MTUS2: variants seen among roughly 807,000 people sequenced by gnomAD.
MTUS2 encodes microtubule-associated tumor suppressor candidate 2.
MTUS2 carries 40 observed loss-of-function variants against 114.1 expected under a neutral mutation model. The observed-to-expected ratio is 0.35, with a 90% CI of 0.27 to 0.46. The LOEUF (loss-of-function observed/expected upper bound fraction) is 0.46. Ranked by LOEUF, MTUS2 falls within the 20% of genes least tolerant of loss-of-function variation. The pLI, the probability that MTUS2 is intolerant of heterozygous loss-of-function variation, is 1.00. For synonymous variants in MTUS2, 688 were observed against 672.0 expected, an observed-to-expected ratio of 1.02 and a Z score of -0.37; for missense variants, 1,679 against 1,705.4, an observed-to-expected ratio of 0.98 and a Z score of 0.27.
intron 8 of MTUS2, among the ~76,000 whole-genome samples, chr13:29,404,031 T>C (rs117879488): frequency 0.014 from 2,144 of 152,170 alleles, 21 homozygotes; most frequent in South Asian, 0.021. Flanking sequence ...TATACTCTTA[T>C]TTACTACATC....
chr13:29,164,634 A>G (rs908033128), intron 5 of MTUS2, among the ~76,000 whole-genome samples: 1 of 152,232 alleles, frequency 6.6e-6, no homozygotes, highest in Non-Finnish European at 1.5e-5. Flanking sequence ...GCACTTTTGC[A>G]CTAGAGTGGG....
At chr13:29,445,675 G>C (rs1878223471) in intron 9 of MTUS2, among the ~76,000 whole-genome samples, 1 of 152,110 alleles carries the variant, frequency 6.6e-6, no homozygotes, top group African/African-American at 2.4e-5. Flanking sequence ...GGAAGGCCAA[G>C]GCAGGTAGAT....
intron 5 of MTUS2, among the ~76,000 whole-genome samples, chr13:29,247,834 A>G (rs939753604): frequency 6.6e-6 from 1 of 152,254 alleles, no homozygotes; most frequent in African/African-American, 2.4e-5. Flanking sequence ...TATGGAAAAC[A>G]GTGTGGAGAT....
intron 2 of MTUS2, among the ~76,000 whole-genome samples, chr13:28,911,110 C>T (rs1041028555): frequency 5.5e-4 from 83 of 150,466 alleles, no homozygotes; most frequent in African/African-American, 1.9e-3. Context: ...CTCCTGACCC[C>T]GTGATCTGCC....
chr13:29,416,935 T>G (rs1278580220), intron 8 of MTUS2, among the ~76,000 whole-genome samples: 1 of 152,198 alleles, frequency 6.6e-6, no homozygotes, highest in Non-Finnish European at 1.5e-5. Flanking sequence ...CAGTGGGCCC[T>G]TTCAATAGTA....
intron 8 of MTUS2, among the ~76,000 whole-genome samples, chr13:29,390,480 C>G (rs1247605858): frequency 6.6e-6 from 1 of 151,344 alleles, no homozygotes; most frequent in African/African-American, 2.4e-5. Context: ...ATGGTAAAAC[C>G]CTGTCTCTAC....
intron 7 of MTUS2, among the ~76,000 whole-genome samples, chr13:29,346,180 G>A (rs1169984117): frequency 6.6e-6 from 1 of 152,186 alleles, no homozygotes; most frequent in Admixed American, 6.5e-5. Flanking sequence ...CTGCAGTAGT[G>A]TAGGGAGGAT....
At chr13:29,270,550 C>T (rs1274011631) in intron 5 of MTUS2, among the ~76,000 whole-genome samples, 1 of 152,218 alleles carries the variant, frequency 6.6e-6, no homozygotes, top group Non-Finnish European at 1.5e-5. Flanking sequence ...ATGGGAACTC[C>T]CCCTCTTTGA....
At chr13:29,063,055 C>T (rs1293600210) in intron 4 of MTUS2, among the ~76,000 whole-genome samples, 1 of 152,140 alleles carries the variant, frequency 6.6e-6, no homozygotes, top group Non-Finnish European at 1.5e-5. Context: ...AGAACTATTA[C>T]CTCCCTTTAG....
intron 9 of MTUS2, among the ~76,000 whole-genome samples, chr13:29,452,578 G>A (rs879861054): frequency 0.1 from 541 of 5,320 alleles, 3 homozygotes; most frequent in Admixed American, 0.22. Flanking sequence ...ATATATATGT[G>A]TGTGTGTGTG....
At chr13:29,253,742 T>C (rs1897204768) in intron 5 of MTUS2, among the ~76,000 whole-genome samples, 3 of 152,192 alleles carry the variant, frequency 2.0e-5, no homozygotes, top group Admixed American at 6.5e-5. Flanking sequence ...TTTAATGGAC[T>C]CACAGTTCCA....
chr13:29,300,292 T>C (rs374284935), intron 6 of MTUS2, among the ~76,000 whole-genome samples: 2 of 152,292 alleles, frequency 1.3e-5, no homozygotes, highest in African/African-American at 4.8e-5. Context: ...TCTTCAAAAG[T>C]AGGACACTAA....
intron 15 of MTUS2, among the ~76,000 whole-genome samples, chr13:29,502,364 A>G (rs1882967944): frequency 6.6e-6 from 1 of 152,266 alleles, no homozygotes; most frequent in Admixed American, 6.5e-5. Context: ...TTTATCGGCA[A>G]ACATTAACTG....
intron 7 of MTUS2, among the ~76,000 whole-genome samples, chr13:29,344,153 C>T (rs558041210): frequency 6.6e-6 from 1 of 152,214 alleles, no homozygotes; most frequent in South Asian, 2.1e-4. Context: ...CTGTAAATAT[C>T]TGTTAAGTAC....
intron 4 of MTUS2, among the ~76,000 whole-genome samples, chr13:29,080,013 C>T (rs1381941654): frequency 6.6e-6 from 1 of 152,190 alleles, no homozygotes; most frequent in Non-Finnish European, 1.5e-5. Flanking sequence ...AATATTAAGA[C>T]TTCCAATCCA....
chr13:29,389,633 A>ACG (rs1200014101), intron 8 of MTUS2, among the ~76,000 whole-genome samples: 2 of 121,502 alleles, frequency 1.6e-5, no homozygotes, highest in Non-Finnish European at 1.8e-5. Flanking sequence ...ATATGTATAC[A>ACG]CATATGTGTA....
chr13:29,225,644 G>A (rs9508320), intron 5 of MTUS2, among the ~76,000 whole-genome samples: 2,123 of 152,362 alleles, frequency 0.014, 27 homozygotes, highest in Admixed American at 0.022. Flanking sequence ...ATTCTCTTTA[G>A]TTTCCTTGTC....
At chr13:29,294,386 A>G (rs1028836033) in intron 6 of MTUS2, among the ~76,000 whole-genome samples, 4 of 152,198 alleles carry the variant, frequency 2.6e-5, no homozygotes, top group Non-Finnish European at 5.9e-5. Context: ...CATAGTTTGG[A>G]GAACTGCTTG....
At chr13:29,126,982 G>A (rs1891546360) in intron 5 of MTUS2, among the ~76,000 whole-genome samples, 1 of 152,200 alleles carries the variant, frequency 6.6e-6, no homozygotes, top group African/African-American at 2.4e-5. Context: ...AGTGTTCAGT[G>A]CTCTGATCAC....
Sources: allele counts gnomAD v4.1 joint callset (sites outside exome capture counted in the v4.1 genomes callset), GRCh38; gene constraint gnomAD v4.1.1; transcripts MANE v1.5; gene names NCBI Gene and HGNC (gene_info 2026-07-23, HGNC 2026-07-21).